The following PCDHGA3 variants were observed in gnomAD, a reference collection of about 807,000 sequenced individuals.
PCDHGA3 encodes protocadherin gamma-A3.
A neutral mutation model predicts 58.5 loss-of-function variants in PCDHGA3; 40 were observed. The observed-to-expected ratio is 0.68, with a 90% CI of 0.53 to 0.89. The LOEUF (loss-of-function observed/expected upper bound fraction) is 0.89. PCDHGA3 is among the 40% of genes least tolerant of loss of function. The pLI is 0.00. For missense variants in PCDHGA3, 1,223 were observed against 1,195.9 expected, an observed-to-expected ratio of 1.02 and a Z score of -0.33; for synonymous variants, 530 against 525.7, an observed-to-expected ratio of 1.01 and a Z score of -0.11.
intron 1 of PCDHGA3, chr5:141,372,068 T>C (rs770870533): frequency 3.1e-6 from 5 of 1,613,630 alleles, no homozygotes; most frequent in Non-Finnish European, 1.7e-6. Flanking sequence ...GCAACGACAA[T>C]GCACCGCTGG....
chr5:141,467,015 T>C (rs1423064392), intron 1 of PCDHGA3, among the ~76,000 whole-genome samples: 1 of 152,072 alleles, frequency 6.6e-6, no homozygotes. Flanking sequence ...GCAATTTTTT[T>C]CCCTTTGTTT....
At chr5:141,351,793 C>T (rs773058323) in intron 1 of PCDHGA3, 1 of 1,613,378 alleles carries the variant, frequency 6.2e-7, no homozygotes, top group South Asian at 1.1e-5. Flanking sequence ...GGGTGGTGTT[C>T]GCGCAGCGCG....
intron 1 of PCDHGA3, chr5:141,383,664 G>T (rs1486639863): frequency 6.2e-7 from 1 of 1,614,052 alleles, no homozygotes; most frequent in Non-Finnish European, 8.5e-7. Flanking sequence ...CCGAGAATGT[G>T]CCAGTGGGTA....
In PCDHGA3 at chr5:141,355,403, C is replaced by T. The variant is rs762232178; in HGVS notation, c.2424+8946C>T. 8 of 1,613,938 alleles carry T rather than the reference C, an allele frequency of 5.0e-6. No individual in the cohort carries two copies. The highest frequency in any genetic ancestry group is 6.8e-6 in the Non-Finnish European group (8 of 1,179,932). On this transcript the variant is annotated intron_variant, in intron 1 of 3. Transcript: ENST00000253812. ...GCGGAGCGCGGAGTCCGCATCGTCT[C>T]CAGAGGTAGGACGCAGCTTTTCGCC... is the stretch of plus-strand genomic sequence containing the variant.
Position 141,511,042 on chromosome 5 carries a change from G to C in PCDHGA3, c.2668G>C (p.Asp890His), listed in dbSNP as rs774071540. Residue 890 changes from aspartate (D) to histidine (H), a missense_variant, in exon 4 of 4, where the codon GAC becomes CAC. Transcript: ENST00000253812. Reference sequence around the variant, plus strand: ...CCAGTTCACCCTGCAGCACGTGCCCGACTACCGCCAGAATGTCTACATCCC... The same window carrying C: ...CCAGTTCACCCTGCAGCACGTGCCCCACTACCGCCAGAATGTCTACATCCC... ...GPQFTLQHVP[D>H]YRQNVYIPGS... 6.2e-7 allele frequency: 1 copy of C among 1,614,182 alleles called. No homozygotes were observed. Among genetic ancestry groups the C allele is most frequent in the South Asian group, 1.1e-5 (1 of 91,084 alleles).
chr5:141,372,494 A>C, intron 1 of PCDHGA3: 2 of 1,613,974 alleles, frequency 1.2e-6, no homozygotes, highest in Middle Eastern at 1.6e-4. Context: ...CCTTGATCTC[A>C]GTGCTCTTCC....
intron 1 of PCDHGA3, chr5:141,387,572 T>G: frequency 2.1e-6 from 1 of 480,808 alleles, no homozygotes; most frequent in South Asian, 3.5e-5. Context: ...CAATTATAAT[T>G]ATTGCACTGG....
At chr5:141,407,512 T>G (rs910710605) in intron 1 of PCDHGA3, among the ~76,000 whole-genome samples, 3 of 152,192 alleles carry the variant, frequency 2.0e-5, no homozygotes, top group Non-Finnish European at 4.4e-5. Flanking sequence ...TCTTAGGCTA[T>G]GTAGGACTTA....
chr5:141,492,499 C>T (rs2099741220), intron 1 of PCDHGA3, among the ~76,000 whole-genome samples: 1 of 152,198 alleles, frequency 6.6e-6, no homozygotes. Context: ...GGCGAGGACT[C>T]CGGAGCCTCC....
At chr5:141,392,834 C>T in intron 1 of PCDHGA3, 2 of 1,607,664 alleles carry the variant, frequency 1.2e-6, no homozygotes, top group Non-Finnish European at 1.7e-6. Flanking sequence ...CACAGAGTCG[C>T]CCCAGACGCG....
In PCDHGA3 at chr5:141,486,042, G is replaced by A; in HGVS notation, c.2425-8765G>A. The A allele has an allele frequency of 6.2e-7, 1 of 1,614,180 alleles. No individual in the cohort carries two copies. The highest frequency in any genetic ancestry group is 8.5e-7 in the Non-Finnish European group (1 of 1,180,030). On this transcript the variant is annotated intron_variant, in intron 1 of 3. Coordinates refer to ENST00000253812, the MANE Select transcript of PCDHGA3 (RefSeq NM_018916.4). This position sits in a 1 kb window ranked among gnomAD's most constrained non-coding sequence, Gnocchi z 5.0. The stretch of plus-strand genomic sequence containing the variant: ...AGTGGTCATACCCCTGATCGTGTAA[G>A]AAACCTCTTTAGCCTGCACCCCACT...
intron 1 of PCDHGA3, chr5:141,400,677 ATTGTGAGTT>A (rs1177028391): frequency 1.1e-6 from 1 of 900,130 alleles, no homozygotes; most frequent in African/African-American, 1.7e-5. Flanking sequence ...GGAGCAGTAA[ATTGTGAGTT>A]TTTATGTCGC....
At position 141,477,961 on chromosome 5, in the gene PCDHGA3, C is replaced by G. The variant is rs199947431; in HGVS notation, c.2425-16846C>G. On this transcript the variant is annotated intron_variant, in intron 1 of 3. Transcript: ENST00000253812. The surrounding 1 kb of genome is among the most constrained non-coding windows in gnomAD (Gnocchi z 4.9). ...CCTACAGTCTCTTGGGATCCCCTAA[C>G]CAGAGCCTTTTTGCCATAGGGCTGC... 10 of 1,614,166 alleles carry G rather than the reference C, an allele frequency of 6.2e-6. No individual in the cohort carries two copies. Among genetic ancestry groups the G allele is most frequent in the Middle Eastern group, 3.3e-4 (2 of 6,062 alleles).
rs779391932 is a variant in PCDHGA3, at chr5:141,419,996, C to T, written c.2424+73539C>T. Reference sequence around the variant, plus strand: ...CCTCGCGGTGATTCTAGCTATTGCTCTACGCCTGCGACAGTCTTTCAGCCC... The same window carrying T: ...CCTCGCGGTGATTCTAGCTATTGCTTTACGCCTGCGACAGTCTTTCAGCCC... On this transcript the variant is annotated intron_variant, in intron 1 of 3. Coordinates refer to ENST00000253812, the MANE Select transcript of PCDHGA3 (RefSeq NM_018916.4). 10 of 1,613,966 alleles carry T rather than the reference C, an allele frequency of 6.2e-6. No homozygotes were observed. In the East Asian group the frequency reaches 2.2e-4, roughly 36 times the overall value.
chr5:141,355,945 G>C, intron 1 of PCDHGA3: 4 of 1,613,848 alleles, frequency 2.5e-6, no homozygotes, highest in Non-Finnish European at 3.4e-6. Context: ...CGAGTACCAC[G>C]TAAGTGTTCG....
intron 1 of PCDHGA3, among the ~76,000 whole-genome samples, chr5:141,459,619 A>G (rs995987344): frequency 6.6e-6 from 1 of 152,238 alleles, no homozygotes; most frequent in Non-Finnish European, 1.5e-5. Context: ...TTAACTTTAT[A>G]AGAAGCTGCC....
chr5:141,425,794 G>A (rs915736198), intron 1 of PCDHGA3, among the ~76,000 whole-genome samples: 23 of 152,074 alleles, frequency 1.5e-4, no homozygotes, highest in Non-Finnish European at 2.2e-4. Context: ...CTTCCAATAT[G>A]TGCATTGCTT....
chr5:141,383,817 A>T, intron 1 of PCDHGA3: 1 of 1,613,926 alleles, frequency 6.2e-7, no homozygotes, highest in Non-Finnish European at 8.5e-7. Context: ...CTTTAGAAGG[A>T]TTAGATTATG....
At position 141,505,425 on chromosome 5, in the gene PCDHGA3, C is replaced by G; in HGVS notation, c.2516C>G (p.Pro839Arg). 1 of 1,614,178 alleles carries G rather than the reference C, an allele frequency of 6.2e-7. No individual in the cohort carries two copies. Among genetic ancestry groups the G allele is most frequent in the Non-Finnish European group, 8.5e-7 (1 of 1,180,014 alleles). ...SQNGDDTGTW[P>R]NNQFDTEMLQ... ...AATGGCGATGACACCGGCACCTGGC[C>G]CAACAACCAGTTTGACACAGAGATG... The change falls in exon 3 of 4, where the codon CCC becomes CGC. Residue 839 changes from proline to arginine, a missense_variant. Transcript: ENST00000253812.
Sources: gnomAD v4.1 joint callset for allele counts (sites outside exome capture counted in the v4.1 genomes callset) on GRCh38, gnomAD v4.1.1 for gene constraint, Gnocchi (gnomAD v3.1) non-coding constraint, MANE v1.5 for transcripts, NCBI Gene and HGNC (gene_info 2026-07-23, HGNC 2026-07-21) for gene names.